Variants in BCL9 observed in about 807,000 individuals in gnomAD.
BCL9 encodes the protein BCL9 transcription coactivator.
BCL9 carries 25 observed loss-of-function variants against 88.5 expected under a neutral mutation model. The ratio of observed to expected loss-of-function variants is 0.28; its 90% CI spans 0.21 to 0.39. The LOEUF (loss-of-function observed/expected upper bound fraction) is 0.39, where lower values mean the gene tolerates loss of function less well. Ranked by LOEUF, BCL9 falls within the 10% of genes least tolerant of loss-of-function variation. The pLI is 1.00. For missense variants in BCL9, 1,817 were observed against 1,877.8 expected, an observed-to-expected ratio of 0.97 and a Z score of 0.60; for synonymous variants, 711 against 673.3, an observed-to-expected ratio of 1.06 and a Z score of -0.87.
chr1:147,615,887 A>T lies in BCL9; in HGVS notation c.645A>T (p.Arg215Ser). 1 of 1,613,414 alleles carries T rather than the reference A, an allele frequency of 6.2e-7. No homozygotes were observed. The highest frequency in any genetic ancestry group is 8.5e-7 in the Non-Finnish European group (1 of 1,179,312). Residue 215 changes from arginine to serine, a missense_variant, in exon 7 of 10, where the codon AGA becomes AGT. Arg to Ser is a moderately radical substitution (Grantham distance 110). Transcript: ENST00000234739. ...IQNISNNKTE[R>S]STAPLNTQIS... Reference sequence around the variant, plus strand: ...ACATTTCTAACAACAAGACAGAGAGAAGCACAGCGCCTCTGGTATGTTGTT... The same window carrying T: ...ACATTTCTAACAACAAGACAGAGAGTAGCACAGCGCCTCTGGTATGTTGTT...
chr1:147,567,427 T>A (rs1655658163), intron 1 of BCL9, among the ~76,000 whole-genome samples: 1 of 152,212 alleles, frequency 6.6e-6, no homozygotes, highest in African/African-American at 2.4e-5. Flanking sequence ...AGATAACTTA[T>A]TTCCAAAATA....
intron 1 of BCL9, among the ~76,000 whole-genome samples, chr1:147,545,139 G>A (rs1553194125): frequency 6.6e-6 from 1 of 152,166 alleles, no homozygotes; most frequent in Non-Finnish European, 1.5e-5. Context: ...GTCGTGTCAT[G>A]AGAAAAATAA....
At position 147,625,174 on chromosome 1, in the gene BCL9, A is replaced by T; in HGVS notation, c.*215A>T. On this transcript the variant is annotated 3_prime_UTR_variant, in exon 10 of 10. Coordinates refer to ENST00000234739, the MANE Select transcript of BCL9 (RefSeq NM_004326.4). ...AACAGGTGTGTTTTTTTTAAGATTTATTTTTTAAAAATTATTTTTGTGGAC... is the reference window on the plus strand; with the variant it reads ...AACAGGTGTGTTTTTTTTAAGATTTTTTTTTTAAAAATTATTTTTGTGGAC... The T allele has an allele frequency of 1.8e-6, 1 of 562,626 alleles. No individual in the cohort carries two copies. The highest frequency in any genetic ancestry group is 2.9e-6 in the Non-Finnish European group (1 of 344,162). 34.9% of individuals were successfully genotyped at this position (562,626 alleles called of 1,614,324 possible).
chr1:147,568,638 G>A (rs781907966), intron 1 of BCL9, among the ~76,000 whole-genome samples: 4 of 151,976 alleles, frequency 2.6e-5, no homozygotes, highest in Non-Finnish European at 4.4e-5. Context: ...GATTCAAGAG[G>A]ACTATTAACA....
At chr1:147,615,436 G>C (rs1246266292) in intron 6 of BCL9, among the ~76,000 whole-genome samples, 1 of 152,112 alleles carries the variant, frequency 6.6e-6, no homozygotes, top group Non-Finnish European at 1.5e-5. Flanking sequence ...AATCTTAACA[G>C]CCTTAAACTA....
intron 1 of BCL9, among the ~76,000 whole-genome samples, chr1:147,561,662 C>T (rs1243516641): frequency 6.6e-6 from 1 of 152,128 alleles, no homozygotes; most frequent in Non-Finnish European, 1.5e-5. Flanking sequence ...ACTTAATAGG[C>T]ATAAAAAATG....
rs1394162423 is a variant in BCL9 at position 147,624,650 on chromosome 1, A to G, written c.3972A>G (p.Gln1324=). ...NPMRPPAFLQ[Q]GMMGPHHRMM... The stretch of plus-strand genomic sequence containing the variant: ...TGAGACCACCAGCCTTTCTCCAACA[A>G]GGCATGATGGGACCTCACCATCGGA... Residue 1324 remains glutamine (Q), a synonymous_variant, in exon 10 of 10, where the codon CAA becomes CAG. Transcript: ENST00000234739. The surrounding 1 kb of genome is among the most constrained non-coding windows in gnomAD (Gnocchi z 4.4). The G allele has an allele frequency of 5.0e-6, 8 of 1,614,064 alleles. No individual in the cohort carries two copies. The Admixed American group carries it at 1.3e-4, about 27-fold the overall frequency.
chr1:147,591,356 A>T (rs1263725302), intron 1 of BCL9, among the ~76,000 whole-genome samples: 1 of 152,198 alleles, frequency 6.6e-6, no homozygotes, highest in Non-Finnish European at 1.5e-5. Context: ...AGAGGCTATA[A>T]TGTGGAAAGA....
intron 1 of BCL9, among the ~76,000 whole-genome samples, chr1:147,544,933 GTTAA>G (rs1654487066): frequency 6.6e-6 from 1 of 152,082 alleles, no homozygotes; most frequent in Admixed American, 6.5e-5. Flanking sequence ...GCAGATTTGT[GTTAA>G]TGTTGGCATC....
rs193115529 is a variant in BCL9 at position 147,578,721 on chromosome 1, A to G, written c.-477-26056A>G. Among the ~76,000 whole-genome samples, 1,119 of 152,208 alleles carry G rather than the reference A, an allele frequency of 7.4e-3. 11 individuals carry two copies. The highest frequency in any genetic ancestry group is 0.011 in the Non-Finnish European group (782 of 68,020). On this transcript the variant is annotated intron_variant, in intron 1 of 9. Coordinates refer to ENST00000234739, the MANE Select transcript of BCL9 (RefSeq NM_004326.4). ...TCTATTCAAACTTTGCATTCCCTTA[A>G]TTTGCATTTCATAACACTTCTGTGC...
chr1:147,599,801 T>G (rs1388305561), intron 1 of BCL9, among the ~76,000 whole-genome samples: 1 of 141,084 alleles, frequency 7.1e-6, no homozygotes, highest in African/African-American at 2.7e-5. Context: ...GAGGTGCGGC[T>G]GCCTGGTGGG....
Position 147,619,237 on chromosome 1 carries a change from G to T in BCL9, c.1082G>T (p.Arg361Leu). The change falls in exon 8 of 10, where the codon CGC becomes CTC. Residue 361 changes from arginine (R) to leucine (L), a missense_variant. Physicochemically the swap from Arg to Leu is moderately radical, Grantham distance 102. Coordinates refer to ENST00000234739, the MANE Select transcript of BCL9 (RefSeq NM_004326.4). The surrounding 1 kb of genome is among the most constrained non-coding windows in gnomAD (Gnocchi z 4.1). Reference protein sequence around the residue: ...LSQEQLEHRERSLQTLRDIQR... With the variant: ...LSQEQLEHRELSLQTLRDIQR... ...CAGGAGCAGCTGGAGCACCGGGAGC[G>T]CTCCTTACAAACTCTCAGAGATATC... is the stretch of plus-strand genomic sequence containing the variant. The T allele has an allele frequency of 6.2e-7, 1 of 1,614,150 alleles. No individual in the cohort carries two copies. Among genetic ancestry groups the T allele is most frequent in the Non-Finnish European group, 8.5e-7 (1 of 1,180,028 alleles).
At chr1:147,577,971 G>C (rs1553198254) in intron 1 of BCL9, among the ~76,000 whole-genome samples, 1 of 151,850 alleles carries the variant, frequency 6.6e-6, no homozygotes, top group Non-Finnish European at 1.5e-5. Context: ...AATTAGTTTT[G>C]ATATATGAGT....
intron 1 of BCL9, among the ~76,000 whole-genome samples, 185 bp from the exon 2 acceptor site, chr1:147,604,592 T>G (rs1657564990): frequency 6.6e-6 from 1 of 152,220 alleles, no homozygotes; most frequent in Non-Finnish European, 1.5e-5. Context: ...AGTGACCCTA[T>G]CTTGGACTTC....
Position 147,620,425 on chromosome 1 carries a change from T to C in BCL9, c.2270T>C (p.Met757Thr), listed in dbSNP as rs1658558947. ...AAATTACGCCCAGGTGGCTCAGACA[T>C]GCTGCCTGCTCAGCAGAAGATGGTG... The part of the protein sequence containing the change: ...MLKLRPGGSD[M>T]LPAQQKMVPL... Residue 757 changes from methionine (M) to threonine (T), a missense_variant, in exon 8 of 10, where the codon ATG becomes ACG. Transcript: ENST00000234739. The C allele has an allele frequency of 1.2e-6, 2 of 1,613,818 alleles. No individual in the cohort carries two copies. Among genetic ancestry groups the C allele is most frequent in the Admixed American group, 3.3e-5 (2 of 59,986 alleles).
chr1:147,576,014 A>T (rs1467528820), intron 1 of BCL9, among the ~76,000 whole-genome samples: 3 of 152,078 alleles, frequency 2.0e-5, no homozygotes, highest in Non-Finnish European at 4.4e-5. Flanking sequence ...TTTCAAATTA[A>T]CTTTTTTGGA....
intron 3 of BCL9, among the ~76,000 whole-genome samples, chr1:147,610,126 T>C (rs1287652250): frequency 6.6e-6 from 1 of 151,476 alleles, no homozygotes; most frequent in Non-Finnish European, 1.5e-5. Context: ...AAATGGTTTA[T>C]GATTATATAT....
chr1:147,619,423 G>A lies in BCL9; in HGVS notation c.1268G>A (p.Arg423Gln), dbSNP rs368965248. 17 of 1,613,952 alleles carry A rather than the reference G, an allele frequency of 1.1e-5. No homozygotes were observed. In the African/African-American group the frequency reaches 1.2e-4, roughly 11 times the overall value. Residue 423 changes from arginine to glutamine, a missense_variant, in exon 8 of 10, where the codon CGG becomes CAG. By Grantham distance (43) the Arg-to-Gln change is conservative. Around this residue, in one of 2 missense-constraint regions of BCL9, gnomAD observed 1,228 missense variants for 1,191.6 expected, o/e 1.03. Transcript: ENST00000234739. The surrounding 1 kb of genome is among the most constrained non-coding windows in gnomAD (Gnocchi z 4.1). ...SQSLGKGPGPRTDVGAPFGPQ... is the reference protein window; with the variant it reads ...SQSLGKGPGPQTDVGAPFGPQ... ...AGCCTAGGTAAGGGACCTGGGCCCC[G>A]GACAGACGTGGGAGCTCCATTTGGC...
Position 147,624,033 on chromosome 1 carries a change from A to G in BCL9, c.3355A>G (p.Ile1119Val), listed in dbSNP as rs782125037. The G allele has an allele frequency of 3.7e-6, 6 of 1,614,030 alleles. No individual in the cohort carries two copies. Among genetic ancestry groups the G allele is most frequent in the South Asian group, 3.3e-5 (3 of 91,088 alleles). The part of the protein sequence containing the change: ...MGPGLMSHNP[I>V]MGHGSQEPPM... ...GCCTGGCTTGATGTCACACAATCCT[A>G]TCATGGGGCATGGGTCCCAGGAGCC... Residue 1119 changes from isoleucine to valine, a missense_variant, in exon 10 of 10, where the codon ATC (isoleucine) becomes GTC (valine). By Grantham distance (29) the Ile-to-Val change is conservative. Around this residue, in one of 2 missense-constraint regions of BCL9, gnomAD observed 589 missense variants for 686.2 expected, o/e 0.86. Transcript: ENST00000234739. This position sits in a 1 kb window ranked among gnomAD's most constrained non-coding sequence, Gnocchi z 4.4.
Sources: gnomAD v4.1 joint callset for allele counts (sites outside exome capture counted in the v4.1 genomes callset) on GRCh38, gnomAD v4.1.1 for gene constraint, gnomAD v4.1.1 regional missense constraint, Gnocchi (gnomAD v3.1) non-coding constraint, MANE v1.5 for transcripts, NCBI Gene and HGNC (gene_info 2026-07-23, HGNC 2026-07-21) for gene names.